TARP: variants seen among roughly 807,000 people sequenced by gnomAD.
At chr7:38,264,512 AC>A in the TARP span, among the ~76,000 whole-genome samples, 4 of 150,974 alleles carry the variant, frequency 2.6e-5, no homozygotes, top group African/African-American at 9.8e-5. Context: ...AATCACTTGA[AC>A]CCGGGAGGTG....
the TARP span, among the ~76,000 whole-genome samples, chr7:38,269,864 C>T: frequency 1.3e-5 from 2 of 151,944 alleles, no homozygotes; most frequent in African/African-American, 4.8e-5. Context: ...CTTTGGGAGG[C>T]TGAGGTGGGA....
the TARP span, chr7:38,262,178 A>G: frequency 1.9e-6 from 3 of 1,612,342 alleles, no homozygotes; most frequent in Non-Finnish European, 2.5e-6. Flanking sequence ...TACCATTTGC[A>G]TCTTTTGAAC....
chr7:38,271,999 A>G, the TARP span, among the ~76,000 whole-genome samples: 1 of 151,414 alleles, frequency 6.6e-6, no homozygotes, highest in Non-Finnish European at 1.5e-5. Flanking sequence ...GGGAAAATAC[A>G]TATTTTCTTA....
At chr7:38,266,466 C>T in the TARP span, among the ~76,000 whole-genome samples, 1 of 151,824 alleles carries the variant, frequency 6.6e-6, no homozygotes, top group Non-Finnish European at 1.5e-5. Context: ...ATCACCATGC[C>T]TGGCTAATAT....
the TARP span, among the ~76,000 whole-genome samples, chr7:38,264,084 C>T: frequency 1.4e-5 from 2 of 147,418 alleles, no homozygotes; most frequent in Non-Finnish European, 3.0e-5. Flanking sequence ...TTCTCTCTCT[C>T]TCTCAATCAA....
chr7:38,265,038 C>G, the TARP span, among the ~76,000 whole-genome samples: 100 of 151,246 alleles, frequency 6.6e-4, no homozygotes, highest in South Asian at 2.9e-3. Context: ...TACCACGTGT[C>G]ACGTTGCTAG....
chr7:38,264,460 A>G, the TARP span, among the ~76,000 whole-genome samples: 5 of 151,426 alleles, frequency 3.3e-5, no homozygotes, highest in Non-Finnish European at 7.4e-5. Flanking sequence ...GTGTGGTGGC[A>G]GGCGCCTGCA....
At chr7:38,262,021 A>T in the TARP span, 1 of 710,760 alleles carries the variant, frequency 1.4e-6, no homozygotes. Context: ...AGGTTTGTTA[A>T]TACAACTCCT....
At chr7:38,261,764 C>G in the TARP span, among the ~76,000 whole-genome samples, 2 of 148,394 alleles carry the variant, frequency 1.3e-5, no homozygotes, top group Non-Finnish European at 3.0e-5. Context: ...CCCAGCTACT[C>G]GAGAAGCTGA....
At chr7:38,267,101 A>G in the TARP span, among the ~76,000 whole-genome samples, 1 of 151,684 alleles carries the variant, frequency 6.6e-6, no homozygotes, top group African/African-American at 2.4e-5. Context: ...AAATCAGTGT[A>G]TCTATATTTT....
At chr7:38,261,882 A>G in the TARP span, among the ~76,000 whole-genome samples, 23 of 150,110 alleles carry the variant, frequency 1.5e-4, no homozygotes, top group South Asian at 1.0e-3. Context: ...AAAAAAAAAA[A>G]AAAAGAAAAG....
the TARP span, among the ~76,000 whole-genome samples, chr7:38,272,564 A>G: frequency 6.8e-6 from 1 of 147,016 alleles, no homozygotes; most frequent in East Asian, 2.0e-4. Context: ...AAATAAAAAT[A>G]TAACAAAATG....
At chr7:38,263,359 A>G in the TARP span, among the ~76,000 whole-genome samples, 21 of 152,048 alleles carry the variant, frequency 1.4e-4, no homozygotes, top group Admixed American at 3.9e-4. Context: ...TTCAGACAGT[A>G]GTTGTAGGGG....
chr7:38,266,532 G>A, the TARP span, among the ~76,000 whole-genome samples: 16 of 151,864 alleles, frequency 1.1e-4, no homozygotes, highest in South Asian at 2.1e-4. Context: ...AAACTCCTGC[G>A]CTCAAGTGAT....
At chr7:38,260,411 A>C in the TARP span, among the ~76,000 whole-genome samples, 1 of 141,976 alleles carries the variant, frequency 7.0e-6, no homozygotes, top group South Asian at 2.4e-4. Context: ...TTCAGCTTTC[A>C]AGTTGATTAA....
chr7:38,269,156 T>C, the TARP span, among the ~76,000 whole-genome samples: 447 of 151,900 alleles, frequency 2.9e-3, 4 homozygotes, highest in African/African-American at 0.01. Context: ...CAGAGATGAA[T>C]ATGTGTCCAC....
the TARP span, among the ~76,000 whole-genome samples, chr7:38,263,097 A>T: frequency 1.3e-5 from 2 of 151,698 alleles, no homozygotes; most frequent in African/African-American, 4.9e-5. Context: ...CCCAGCAAGT[A>T]CCCATGATTT....
At chr7:38,272,184 G>A in the TARP span, among the ~76,000 whole-genome samples, 2 of 150,630 alleles carry the variant, frequency 1.3e-5, no homozygotes, top group African/African-American at 4.9e-5. Flanking sequence ...TGAATAGATG[G>A]GAGTCGATAC....
chr7:38,262,847 C>G, the TARP span, among the ~76,000 whole-genome samples: 1 of 151,290 alleles, frequency 6.6e-6, no homozygotes, highest in Non-Finnish European at 1.5e-5. Flanking sequence ...TTTGTAGAGA[C>G]AGGGTTTCGC....
Sources: gnomAD v4.1 joint callset for allele counts (sites outside exome capture counted in the v4.1 genomes callset) on GRCh38, gnomAD v4.1.1 for gene constraint, MANE v1.5 for transcripts.